Variants in BDP1 observed in about 807,000 individuals in gnomAD.
BDP1 encodes transcription factor TFIIIB component B'' homolog.
BDP1 carries 169 observed loss-of-function variants against 266.6 expected under a neutral mutation model. That is an observed-to-expected ratio of 0.63 (90% CI 0.56 to 0.72). The LOEUF (loss-of-function observed/expected upper bound fraction) is 0.72, where lower values mean the gene tolerates loss of function less well. BDP1 is among the 30% of genes least tolerant of loss of function. BDP1 has a pLI of 0.00. For missense variants in BDP1, 3,015 were observed against 3,053.8 expected (o/e 0.99, Z 0.30); for synonymous variants, 1,090 against 1,022.4 (o/e 1.07, Z -1.26).
intron 17 of BDP1, among the ~76,000 whole-genome samples, chr5:71,511,762 C>G (rs1301544979): frequency 6.6e-6 from 1 of 152,158 alleles, no homozygotes; most frequent in East Asian, 1.9e-4. Flanking sequence ...GGTTTGAGAT[C>G]TCAAAAATGT....
intron 22 of BDP1, among the ~76,000 whole-genome samples, chr5:71,518,451 A>C (rs1765332908): frequency 6.6e-6 from 1 of 151,954 alleles, no homozygotes; most frequent in African/African-American, 2.4e-5. Flanking sequence ...TTTTCTTTTT[A>C]TTATATTTAC....
intron 26 of BDP1, among the ~76,000 whole-genome samples, chr5:71,536,690 C>T (rs2150550408): frequency 6.6e-6 from 1 of 152,122 alleles, no homozygotes; most frequent in South Asian, 2.1e-4. Flanking sequence ...GTTGGCCAGT[C>T]ATGGTGGCAT....
chr5:71,571,557 T>C (rs1453050728), downstream of BDP1, among the ~76,000 whole-genome samples: 1 of 152,176 alleles, frequency 6.6e-6, no homozygotes, highest in Non-Finnish European at 1.5e-5. Flanking sequence ...CTCTGTATAG[T>C]AGTGAGCATC....
chr5:71,539,068 A>G lies in BDP1; in HGVS notation c.5919A>G (p.Gln1973=), dbSNP rs372949850. 2.3e-4 allele frequency: 376 copies of G among 1,602,994 alleles called. No homozygotes were observed. The highest frequency in any genetic ancestry group is 3.0e-4 in the Non-Finnish European group (356 of 1,173,026). ...PFEMTTSEHI[Q]DEPGTNDGST... ...AAATGACCACAAGTGAACATATCCA[A>G]GATGAACCAGGTAACTGTTATCAAG... Residue 1973 remains glutamine, a synonymous_variant, in exon 27 of 39, where the codon CAA becomes CAG. Coordinates refer to ENST00000358731, the MANE Select transcript of BDP1 (RefSeq NM_018429.3).
chr5:71,500,680 T>C (rs1218193596), intron 13 of BDP1, among the ~76,000 whole-genome samples: 1 of 152,166 alleles, frequency 6.6e-6, no homozygotes, highest in Non-Finnish European at 1.5e-5. Flanking sequence ...TCTTTTCACA[T>C]ATCTCCTTAC....
intron 25 of BDP1, among the ~76,000 whole-genome samples, chr5:71,524,989 T>C (rs868475988): frequency 2.6e-5 from 4 of 151,612 alleles, no homozygotes; most frequent in Non-Finnish European, 4.4e-5. Flanking sequence ...GGCAGAAGAA[T>C]TTTTCTTAGT....
chr5:71,504,591 A>C, intron 15 of BDP1, 30 bp from the exon 16 acceptor site: 16 of 1,590,006 alleles, frequency 1.0e-5, no homozygotes, highest in Non-Finnish European at 1.4e-5. Flanking sequence ...GTGAAACCTA[A>C]AACATTAGAA....
intron 28 of BDP1, 29 bp downstream of exon 28, chr5:71,539,678 A>T: frequency 6.7e-7 from 1 of 1,502,480 alleles, no homozygotes; most frequent in South Asian, 1.2e-5. Flanking sequence ...TCCTATCAAA[A>T]ATAGAAACTT....
chr5:71,532,540 C>A, intron 26 of BDP1, 113 bp downstream of exon 26: 2 of 1,016,824 alleles, frequency 2.0e-6, no homozygotes, highest in African/African-American at 1.6e-5. Context: ...GCTAATTTCT[C>A]TTTGTAAGGA....
chr5:71,472,529 A>G (rs1487544926), intron 7 of BDP1, among the ~76,000 whole-genome samples: 3 of 152,206 alleles, frequency 2.0e-5, no homozygotes, highest in African/African-American at 7.2e-5. Flanking sequence ...TATTGGACTA[A>G]TGTATTCCTG....
intron 8 of BDP1, among the ~76,000 whole-genome samples, chr5:71,485,965 T>C (rs1011401845): frequency 6.6e-6 from 1 of 152,182 alleles, no homozygotes; most frequent in Non-Finnish European, 1.5e-5. Context: ...TTTCATCACT[T>C]CACAAGGTCT....
intron 22 of BDP1, 128 bp from the exon 23 acceptor site, chr5:71,522,161 T>C (rs1765526073): frequency 1.5e-6 from 1 of 681,232 alleles, no homozygotes; most frequent in Non-Finnish European, 2.5e-6. Flanking sequence ...CTTGATTTTA[T>C]TGCCAATTTA....
At chr5:71,506,823 A>ACACC (rs377599570) in intron 16 of BDP1, among the ~76,000 whole-genome samples, 7,778 of 141,716 alleles carry the variant, frequency 0.055, 310 homozygotes, top group Middle Eastern at 0.077. Flanking sequence ...ACACACACAC[A>ACACC]CCCATATTTT....
Position 71,470,362 on chromosome 5 carries a change from T to G in BDP1, c.920-33T>G, listed in dbSNP as rs778715408. ...TTCTCTGAAATATTGATATAATTAA[T>G]TTTCAATCATTCTAAATCTTTTATT... is the stretch of plus-strand genomic sequence containing the variant. On this transcript the variant is annotated intron_variant, in intron 6 of 38. Coordinates refer to ENST00000358731, the MANE Select transcript of BDP1 (RefSeq NM_018429.3). The G allele has an allele frequency of 2.1e-6, 3 of 1,414,674 alleles. No homozygotes were observed. The East Asian group carries it at 6.9e-5, about 33-fold the overall frequency. The allele number at this position is 1,414,674 out of a possible 1,614,324, so 87.6% of individuals were successfully genotyped here.
At chr5:71,496,900 T>C (rs1763932484) in intron 12 of BDP1, among the ~76,000 whole-genome samples, 1 of 152,202 alleles carries the variant, frequency 6.6e-6, no homozygotes, top group Non-Finnish European at 1.5e-5. Context: ...CATCATTTAA[T>C]CTTACTTAAT....
chr5:71,570,978 A>G (rs1380118169), downstream of BDP1, among the ~76,000 whole-genome samples: 1 of 152,236 alleles, frequency 6.6e-6, no homozygotes, highest in African/African-American at 2.4e-5. Flanking sequence ...TATTTGAAAA[A>G]TAAAACATAA....
At chr5:71,534,888 G>A (rs984384215) in intron 26 of BDP1, among the ~76,000 whole-genome samples, 16 of 152,174 alleles carry the variant, frequency 1.1e-4, no homozygotes, top group Non-Finnish European at 2.2e-4. Flanking sequence ...TGATCCACCC[G>A]CCTCTGCCTC....
chr5:71,562,440 A>G lies in BDP1; in HGVS notation c.7663A>G (p.Asn2555Asp). 1 of 1,614,046 alleles carries G rather than the reference A, an allele frequency of 6.2e-7. No individual in the cohort carries two copies. The highest frequency in any genetic ancestry group is 1.3e-5 in the African/African-American group (1 of 75,046). The change falls in exon 38 of 39, where the codon AAT (asparagine) becomes GAT (aspartate). Residue 2555 changes from asparagine to aspartate, a missense_variant. This residue lies in a region of BDP1 where 629 missense variants were observed against 632.5 expected (regional missense o/e 0.99). Transcript: ENST00000358731. Reference sequence around the variant, plus strand: ...TCCATTCAATGAAAGCCAGGAAAAAAATCGAGAGTCCTCTGATCTGCTTCC... The same window carrying G: ...TCCATTCAATGAAAGCCAGGAAAAAGATCGAGAGTCCTCTGATCTGCTTCC... ...SNPFNESQEKNRESSDLLPSP... is the reference protein window; with the variant it reads ...SNPFNESQEKDRESSDLLPSP...
intron 2 of BDP1, among the ~76,000 whole-genome samples, chr5:71,459,981 TC>T (rs1202763936): frequency 6.6e-6 from 1 of 152,208 alleles, no homozygotes; most frequent in African/African-American, 2.4e-5. Context: ...AAAATGTGAA[TC>T]ATTTCTGGTC....
Sources: allele counts gnomAD v4.1 joint callset (sites outside exome capture counted in the v4.1 genomes callset), GRCh38; gene constraint gnomAD v4.1.1; regional missense constraint gnomAD v4.1.1; transcripts MANE v1.5; gene names NCBI Gene and HGNC (gene_info 2026-07-23, HGNC 2026-07-21).